The following MTRR variants were observed in gnomAD, a reference collection of about 807,000 sequenced individuals.
The protein encoded by MTRR is methionine synthase reductase.
Under a neutral mutation model 79.2 loss-of-function variants are expected in MTRR, and 63 were observed. The observed-to-expected ratio is 0.80, with a 90% confidence interval of 0.65 to 0.98. The LOEUF (loss-of-function observed/expected upper bound fraction) is 0.98, where lower values mean the gene tolerates loss of function less well. Among genes scored for constraint, MTRR ranks in the 50% least tolerant of loss-of-function variants. MTRR has a pLI of 0.00. For missense variants in MTRR, 895 were observed against 839.6 expected (o/e 1.07, Z -0.82); for synonymous variants, 355 against 313.3 (o/e 1.13, Z -1.41).
In MTRR at chr5:7,885,766, G is replaced by A; in HGVS notation, c.969G>A (p.Glu323=). 6.2e-7 allele frequency: 1 copy of A among 1,613,764 alleles called. No individual in the cohort carries two copies. Among genetic ancestry groups the A allele is most frequent in the South Asian group, 1.1e-5 (1 of 91,066 alleles). The change falls in exon 7 of 15, where the codon GAG becomes GAA. Residue 323 remains glutamate (E), a synonymous_variant. Transcript: ENST00000440940. ...TGATCTGCCCTAACAGTGATTCTGA[G>A]GTACAAAGCCTACTCCAAAGACTGC... ...FSVICPNSDS[E]VQSLLQRLQL...
At chr5:7,854,688 C>G (rs568926519) in intron 1 of MTRR, among the ~76,000 whole-genome samples, 2 of 152,254 alleles carry the variant, frequency 1.3e-5, no homozygotes, top group Admixed American at 6.5e-5. Flanking sequence ...TATCTCCCTC[C>G]GGGTCTCTCC....
chr5:7,877,356 C>T (rs911495827), intron 4 of MTRR, among the ~76,000 whole-genome samples: 1 of 151,766 alleles, frequency 6.6e-6, no homozygotes, highest in African/African-American at 2.4e-5. Context: ...CTGTTGTCAG[C>T]CTCCCTGGGA....
intron 1 of MTRR, chr5:7,861,136 G>A: frequency 6.7e-7 from 1 of 1,501,124 alleles, no homozygotes; most frequent in Non-Finnish European, 9.2e-7. Flanking sequence ...AAAAAAAATA[G>A]GTGAAACCGT....
chr5:7,898,739 A>C (rs968548207), intron 14 of MTRR, among the ~76,000 whole-genome samples: 2 of 152,166 alleles, frequency 1.3e-5, no homozygotes, highest in Admixed American at 1.3e-4. Context: ...CCTCTCAAGA[A>C]ATTTCACTGT....
intron 7 of MTRR, 41 bp downstream of exon 7, chr5:7,885,895 A>C: frequency 6.2e-7 from 1 of 1,613,088 alleles, no homozygotes; most frequent in South Asian, 1.1e-5. Flanking sequence ...GTTGTGGGCC[A>C]GTGGACTGGA....
chr5:7,900,510 TTAA>T lies in MTRR; in HGVS notation c.*454_*456del, dbSNP rs1739309861. 5.8e-6 allele frequency: 1 copy of T among 171,954 alleles called. No individual in the cohort carries two copies. Among genetic ancestry groups the T allele is most frequent in the African/African-American group, 2.4e-5 (1 of 41,678 alleles). The allele number at this position is 171,954 out of a possible 1,614,324, so 10.7% of individuals were successfully genotyped here. ...TGTATACCCATAAAGAATGCTCATATTAATGTACTTAAATTACACATGTAGAGC... is the reference window on the plus strand; with the variant it reads ...TGTATACCCATAAAGAATGCTCATATTGTACTTAAATTACACATGTAGAGC... On this transcript the variant is annotated 3_prime_UTR_variant, in exon 15 of 15. Transcript: ENST00000440940.
In MTRR at chr5:7,860,620, G is replaced by A. The variant is rs181848089; in HGVS notation, n.392-1331G>A. ...AACAACGTTGGGATTTAAACTAGAC[G>A]TAAGATCGGTGGTCCACTGGGCTGG... is the stretch of plus-strand genomic sequence containing the variant. On this transcript the variant is annotated intron_variant and non_coding_transcript_variant, in intron 1 of 3. Transcript: ENST00000502509. 4.1e-3 allele frequency among the ~76,000 whole-genome samples: 618 copies of A among 152,300 alleles called. 9 individuals carry two copies. Among genetic ancestry groups the A allele is most frequent in the African/African-American group, 0.014 (577 of 41,570 alleles).
Position 7,869,300 on chromosome 5 carries a change from T to TGGGC in MTRR, c.-26+86_-26+89dup. On this transcript the variant is annotated intron_variant, in intron 1 of 14. Transcript: ENST00000440940. ...TGGGAGAGGCGGCCCGGGGCGGGGG[T>TGGGC]GGGCAGCCGGCTTGCGCCCGTGGTT... 2.0e-6 allele frequency: 3 copies of TGGGC among 1,533,848 alleles called. No individual in the cohort carries two copies. In the South Asian group the frequency reaches 3.4e-5, roughly 17 times the overall value.
chr5:7,884,924 A>G (rs1464513021), intron 6 of MTRR, among the ~76,000 whole-genome samples: 2 of 152,242 alleles, frequency 1.3e-5, no homozygotes, highest in Non-Finnish European at 2.9e-5. Context: ...ATCCATAAAT[A>G]TTAATACTAT....
Position 7,895,831 on chromosome 5 carries a change from T to A in MTRR, c.1655T>A (p.Phe552Tyr). ...GGTCCAGGAACCGGCATAGCCCCGT[T>A]TATTGGGTTCCTACAACATAGGTAT... ...MVGPGTGIAP[F>Y]IGFLQHREKL... The change falls in exon 12 of 15, where the codon TTT becomes TAT. Residue 552 changes from phenylalanine (F) to tyrosine (Y), a missense_variant. Phe to Tyr is a conservative substitution (Grantham distance 22, BLOSUM62 3). Coordinates refer to ENST00000440940, the MANE Select transcript of MTRR (RefSeq NM_002454.3). 1 of 1,614,126 alleles carries A rather than the reference T, an allele frequency of 6.2e-7. No homozygotes were observed. The highest frequency in any genetic ancestry group is 8.5e-7 in the Non-Finnish European group (1 of 1,179,984).
rs1739296256 is a variant in MTRR, at chr5:7,900,424, A to G, written c.*366A>G. On this transcript the variant is annotated 3_prime_UTR_variant, in exon 15 of 15. Coordinates refer to ENST00000440940, the MANE Select transcript of MTRR (RefSeq NM_002454.3). ...AATAGGGAGACTGACTGAGTAGCTC[A>G]TTCTTGTGACTTACAGTGCCAACAT... 1 of 241,548 alleles carries G rather than the reference A, an allele frequency of 4.1e-6. No individual in the cohort carries two copies. The highest frequency in any genetic ancestry group is 6.4e-5 in the South Asian group (1 of 15,584). The allele number at this position is 241,548 out of a possible 1,614,324, so 15.0% of individuals were successfully genotyped here. A position where few individuals can be genotyped will look rare whatever the true frequency, so the allele number is the denominator to read the frequency against.
chr5:7,866,906 G>C, upstream of MTRR: 1 of 1,614,154 alleles, frequency 6.2e-7, no homozygotes, highest in Admixed American at 1.7e-5. Flanking sequence ...AAAAGTTTCT[G>C]CCACTGCATT....
intron 10 of MTRR, among the ~76,000 whole-genome samples, chr5:7,891,775 A>G (rs1349452668): frequency 6.6e-6 from 1 of 151,908 alleles, no homozygotes; most frequent in Non-Finnish European, 1.5e-5. Flanking sequence ...GGGCGTGGTG[A>G]CTCACTCCTG....
chr5:7,884,355 C>T (rs1439896728), intron 6 of MTRR, among the ~76,000 whole-genome samples: 1 of 152,176 alleles, frequency 6.6e-6, no homozygotes, highest in Non-Finnish European at 1.5e-5. Context: ...ATCCTCAAAG[C>T]TCAAGTCCCT....
chr5:7,890,195 T>A (rs1014023973), intron 9 of MTRR: 1 of 905,036 alleles, frequency 1.1e-6, no homozygotes, highest in African/African-American at 1.8e-5. Context: ...TCCTTTTCGA[T>A]GCCCAGTACA....
Position 7,875,297 on chromosome 5 carries a change from G to A in MTRR, c.323G>A (p.Gly108Glu). 6.2e-7 allele frequency: 1 copy of A among 1,613,700 alleles called. No individual in the cohort carries two copies. The highest frequency in any genetic ancestry group is 1.1e-5 in the South Asian group (1 of 91,052). ...GAATACACCTACTTTTGCAATGGGG[G>A]GAAGATAATTGATAAACGACTTCAA... ...DSEYTYFCNGGKIIDKRLQEL... is the reference protein window; with the variant it reads ...DSEYTYFCNGEKIIDKRLQEL... Residue 108 changes from glycine to glutamate, a missense_variant, in exon 4 of 15, where the codon GGG becomes GAG. Gly to Glu is a moderately conservative substitution (Grantham distance 98). Coordinates refer to ENST00000440940, the MANE Select transcript of MTRR (RefSeq NM_002454.3).
At chr5:7,884,945 A>G (rs1736172221) in intron 6 of MTRR, among the ~76,000 whole-genome samples, 1 of 152,188 alleles carries the variant, frequency 6.6e-6, no homozygotes, top group South Asian at 2.1e-4. Flanking sequence ...GTACACCAAA[A>G]TATTTTTTAT....
At chr5:7,864,075 T>C (rs1561099734) in intron 2 of MTRR, among the ~76,000 whole-genome samples, 1 of 152,220 alleles carries the variant, frequency 6.6e-6, no homozygotes, top group Non-Finnish European at 1.5e-5. Flanking sequence ...GGTCTCGAAC[T>C]CCTGACCTCA....
chr5:7,888,974 T>G (rs1389256856), intron 8 of MTRR, 121 bp from the exon 9 acceptor site: 1 of 1,095,742 alleles, frequency 9.1e-7, no homozygotes. Context: ...CAATAGCTCC[T>G]AGTGGCTTTC....
Sources: gnomAD v4.1 joint callset for allele counts (sites outside exome capture counted in the v4.1 genomes callset) on GRCh38, gnomAD v4.1.1 for gene constraint, MANE v1.5 for transcripts, NCBI Gene and HGNC (gene_info 2026-07-23, HGNC 2026-07-21) for gene names.